Variants in NRG3 observed in about 807,000 individuals in gnomAD.
NRG3 encodes the protein pro-neuregulin-3, membrane-bound isoform.
Under a neutral mutation model 66.9 loss-of-function variants are expected in NRG3, and 31 were observed. The observed-to-expected ratio is 0.46, with a 90% CI of 0.35 to 0.63. The LOEUF is 0.63. Ranked by LOEUF, NRG3 falls within the 20% of genes least tolerant of loss-of-function variation. The pLI, the probability that NRG3 is intolerant of heterozygous loss-of-function variation, is 0.00. For missense variants in NRG3, 910 were observed against 878.9 expected, an observed-to-expected ratio of 1.04 and a Z score of -0.45; for synonymous variants, 393 against 359.4, an observed-to-expected ratio of 1.09 and a Z score of -1.06.
rs7092978 is a variant in NRG3, at chr10:82,001,193, G to A, written c.823+125030G>A. On this transcript the variant is annotated intron_variant, in intron 1 of 8. Coordinates refer to ENST00000372141, the MANE Select transcript of NRG3 (RefSeq NM_001010848.4). ...ACATTTTTAAAAAAGGAAAGTGTAA[G>A]AGAAAAAAAAAAAAAAAGCAAAGGA... Among the ~76,000 whole-genome samples the A allele has an allele frequency of 3.7e-3, 352 of 95,024 alleles. 5 individuals are homozygous for A. Among genetic ancestry groups the A allele is most frequent in the East Asian group, 0.024 (49 of 2,010 alleles). The allele number at this position is 95,024 out of a possible 152,430, so 62.3% of individuals were successfully genotyped here. A position where few individuals can be genotyped will look rare whatever the true frequency, so the allele number is the denominator to read the frequency against.
Position 82,909,059 on chromosome 10 carries a change from G to T in NRG3, c.1055-42410G>T, listed in dbSNP as rs143818129. On this transcript the variant is annotated intron_variant, in intron 4 of 8. Transcript: ENST00000372141. ...AGTAGTCTCTTCAGGCTATATGCCT[G>T]GCTGACCATCAGGAAACTGAGGCCA... 5.3e-5 allele frequency among the ~76,000 whole-genome samples: 8 copies of T among 152,326 alleles called. No individual in the cohort carries two copies. In the East Asian group the frequency reaches 1.5e-3, roughly 29 times the overall value.
At chr10:82,128,186 A>G (rs918740657) in intron 1 of NRG3, among the ~76,000 whole-genome samples, 1 of 152,002 alleles carries the variant, frequency 6.6e-6, no homozygotes, top group Non-Finnish European at 1.5e-5. Flanking sequence ...CTAGTTCCGG[A>G]CAATCATCTT....
chr10:82,177,529 A>G (rs998980893), intron 1 of NRG3, among the ~76,000 whole-genome samples: 4 of 152,182 alleles, frequency 2.6e-5, no homozygotes, highest in South Asian at 2.1e-4. Flanking sequence ...GCATAATCCA[A>G]CTAAACCAGT....
At chr10:82,782,270 G>A (rs2135285729) in intron 3 of NRG3, among the ~76,000 whole-genome samples, 1 of 152,170 alleles carries the variant, frequency 6.6e-6, no homozygotes, top group Non-Finnish European at 1.5e-5. Context: ...TCACAGGATT[G>A]GGATCCTAAT....
At chr10:81,968,709 T>G (rs1180739185) in intron 1 of NRG3, among the ~76,000 whole-genome samples, 2 of 152,214 alleles carry the variant, frequency 1.3e-5, no homozygotes, top group African/African-American at 2.4e-5. Context: ...TACTCTTACC[T>G]CAGGCCACAG....
At chr10:82,073,483 C>CTT (rs1467772234) in intron 1 of NRG3, among the ~76,000 whole-genome samples, 1 of 152,078 alleles carries the variant, frequency 6.6e-6, no homozygotes, top group Non-Finnish European at 1.5e-5. Context: ...AAATATGGCA[C>CTT]TTTTTATCCA....
chr10:82,886,989 T>C (rs1842773312), intron 4 of NRG3, among the ~76,000 whole-genome samples: 1 of 152,204 alleles, frequency 6.6e-6, no homozygotes, highest in African/African-American at 2.4e-5. Flanking sequence ...TTAGCAAAGA[T>C]GCATTATCAC....
At chr10:82,161,883 C>G (rs569705887) in intron 1 of NRG3, among the ~76,000 whole-genome samples, 1 of 152,238 alleles carries the variant, frequency 6.6e-6, no homozygotes, top group African/African-American at 2.4e-5. Flanking sequence ...AGCAGATTCA[C>G]TCCATTGCTT....
intron 2 of NRG3, among the ~76,000 whole-genome samples, chr10:82,672,540 C>T (rs2053364671): frequency 6.6e-6 from 1 of 152,132 alleles, no homozygotes; most frequent in South Asian, 2.1e-4. Context: ...CGACTAATTA[C>T]AGCAGCTTGG....
At chr10:82,768,066 C>A (rs558568551) in intron 3 of NRG3, among the ~76,000 whole-genome samples, 2 of 152,142 alleles carry the variant, frequency 1.3e-5, no homozygotes, top group Non-Finnish European at 2.9e-5. Context: ...GAGTCACACT[C>A]TCTCAACAGA....
intron 1 of NRG3, among the ~76,000 whole-genome samples, chr10:82,284,678 A>G (rs1024578415): frequency 1.3e-5 from 2 of 152,116 alleles, no homozygotes; most frequent in African/African-American, 4.8e-5. Context: ...CAATATGCCA[A>G]TTTAATTTTA....
intron 2 of NRG3, among the ~76,000 whole-genome samples, chr10:82,729,987 A>C (rs1329298019): frequency 1.3e-5 from 2 of 152,206 alleles, no homozygotes; most frequent in Admixed American, 1.3e-4. Flanking sequence ...ATTCACACGT[A>C]AAAACCATAG....
intron 1 of NRG3, among the ~76,000 whole-genome samples, chr10:82,006,298 A>G (rs1589756898): frequency 6.6e-6 from 1 of 151,752 alleles, no homozygotes; most frequent in African/African-American, 2.4e-5. Flanking sequence ...CTGTTTTTCT[A>G]TTTATTTTTA....
At chr10:82,932,757 G>A (rs1176460409) in intron 4 of NRG3, among the ~76,000 whole-genome samples, 1 of 152,166 alleles carries the variant, frequency 6.6e-6, no homozygotes, top group Non-Finnish European at 1.5e-5. Flanking sequence ...GTGCAGCTCT[G>A]TTACATTTCA....
intron 1 of NRG3, among the ~76,000 whole-genome samples, chr10:81,991,901 T>C (rs2060757254): frequency 6.6e-6 from 1 of 152,148 alleles, no homozygotes; most frequent in Non-Finnish European, 1.5e-5. Context: ...ATTTCCATAA[T>C]TATTAAACAA....
At chr10:82,557,428 T>C (rs2044722622) in intron 2 of NRG3, among the ~76,000 whole-genome samples, 1 of 152,150 alleles carries the variant, frequency 6.6e-6, no homozygotes, top group Non-Finnish European at 1.5e-5. Context: ...TGGCTGCATG[T>C]ATGTCTTTTT....
chr10:82,960,422 G>A (rs559459959), intron 6 of NRG3, among the ~76,000 whole-genome samples: 3 of 151,164 alleles, frequency 2.0e-5, no homozygotes, highest in Non-Finnish European at 4.4e-5. Context: ...CATGTTAGTG[G>A]AATAGTTGAA....
At chr10:82,976,862 T>C (rs181768820) in intron 7 of NRG3, among the ~76,000 whole-genome samples, 65 of 152,220 alleles carry the variant, frequency 4.3e-4, no homozygotes, top group African/African-American at 1.5e-3. Flanking sequence ...TCACTTTCTC[T>C]CTGCATTCTG....
chr10:82,540,380 C>G (rs1336963739), intron 2 of NRG3, among the ~76,000 whole-genome samples: 1 of 152,040 alleles, frequency 6.6e-6, no homozygotes, highest in Admixed American at 6.6e-5. Flanking sequence ...TAAGTTCTTC[C>G]CTTCCTTCTT....
Sources: allele counts gnomAD v4.1 joint callset (sites outside exome capture counted in the v4.1 genomes callset), GRCh38; gene constraint gnomAD v4.1.1; transcripts MANE v1.5; gene names NCBI Gene and HGNC (gene_info 2026-07-23, HGNC 2026-07-21).